Variants in DLG2 observed in about 807,000 individuals in gnomAD.
DLG2 encodes discs large MAGUK scaffold protein 2, also known as disks large homolog 2.
DLG2 carries 45 observed loss-of-function variants against 132.5 expected under a neutral mutation model. The observed-to-expected ratio is 0.34, with a 90% CI of 0.27 to 0.44. The LOEUF (loss-of-function observed/expected upper bound fraction) is 0.44. Ranked by LOEUF, DLG2 falls within the 20% of genes least tolerant of loss-of-function variation. The pLI is 1.00. For missense variants in DLG2, 1,045 were observed against 1,196.9 expected (o/e 0.87, Z 1.87); for synonymous variants, 424 against 419.6 (o/e 1.01, Z -0.13).
chr11:84,948,139 T>A (rs1415955389), intron 6 of DLG2, among the ~76,000 whole-genome samples: 1 of 152,224 alleles, frequency 6.6e-6, no homozygotes, highest in African/African-American at 2.4e-5. Flanking sequence ...GAGGCATTCC[T>A]GCCACCCCTG....
rs145206223 is a variant in DLG2 at position 84,127,686 on chromosome 11, C to A, written c.625-28639G>T. On this transcript the variant is annotated intron_variant, in intron 9 of 27. Coordinates refer to ENST00000376104, the MANE Select transcript of DLG2 (RefSeq NM_001142699.3). Reference sequence around the variant, plus strand: ...TGGGCTCAAACTATCTTCCTGCCTCCACCTTCAAAAGCCCTGGGATTACAG... The same window carrying A: ...TGGGCTCAAACTATCTTCCTGCCTCAACCTTCAAAAGCCCTGGGATTACAG... 3.3e-5 allele frequency among the ~76,000 whole-genome samples: 5 copies of A among 152,254 alleles called. No homozygotes were observed. The East Asian group carries it at 7.7e-4, about 24-fold the overall frequency.
At position 84,502,412 on chromosome 11, in the gene DLG2, T is replaced by TTCTTTCTTTCTTTCCTC. The variant is rs1567807647; in HGVS notation, c.519+32157_519+32158insGAGGAAAGAAAGAAAGA. Among the ~76,000 whole-genome samples the TTCTTTCTTTCTTTCCTC allele has an allele frequency of 2.1e-4, 24 of 115,610 alleles. 7 individuals carry two copies. Among genetic ancestry groups the TTCTTTCTTTCTTTCCTC allele is most frequent in the African/African-American group, 8.9e-4 (23 of 25,926 alleles). 75.8% of individuals were successfully genotyped at this position (115,610 alleles called of 152,430 possible). On this transcript the variant is annotated intron_variant, in intron 7 of 27. Coordinates refer to ENST00000376104, the MANE Select transcript of DLG2 (RefSeq NM_001142699.3). ...TTTCTTTCTTTCTTTCTTTCTTTCT[T>TTCTTTCTTTCTTTCCTC]TCTATACAGAGTCTCATGCTGTCAC...
chr11:83,735,122 A>T (rs2091723070), intron 18 of DLG2, among the ~76,000 whole-genome samples: 1 of 152,130 alleles, frequency 6.6e-6, no homozygotes. Context: ...TGATATTAAT[A>T]TTGGCCGATT....
At chr11:84,599,419 G>C (rs1397938647) in intron 6 of DLG2, among the ~76,000 whole-genome samples, 2 of 152,150 alleles carry the variant, frequency 1.3e-5, no homozygotes, top group Admixed American at 6.5e-5. Flanking sequence ...CTCCAGGCAT[G>C]TTGGGTCATT....
At chr11:85,625,560 G>T (rs1235396123) in intron 2 of DLG2, among the ~76,000 whole-genome samples, 1 of 152,170 alleles carries the variant, frequency 6.6e-6, no homozygotes, top group Admixed American at 6.5e-5. Context: ...GCATCTCAGT[G>T]ATTATAAGTT....
chr11:84,639,935 T>C (rs536527948), intron 6 of DLG2: 3 of 195,050 alleles, frequency 1.5e-5, no homozygotes, highest in African/African-American at 7.2e-5. Flanking sequence ...ATAATAAGCC[T>C]ATGAACTATT....
intron 18 of DLG2, among the ~76,000 whole-genome samples, chr11:83,706,443 T>C (rs147248026): frequency 5.3e-5 from 8 of 152,136 alleles, no homozygotes; most frequent in African/African-American, 1.4e-4. Flanking sequence ...TCCAAATACA[T>C]AATATCCCCC....
At chr11:85,089,778 C>T (rs1303110954) in intron 6 of DLG2, among the ~76,000 whole-genome samples, 1 of 152,136 alleles carries the variant, frequency 6.6e-6, no homozygotes, top group Non-Finnish European at 1.5e-5. Context: ...TGAACAGCTG[C>T]TTCTCAAAAG....
At chr11:84,360,553 T>A (rs1266548098) in intron 7 of DLG2, among the ~76,000 whole-genome samples, 1 of 152,012 alleles carries the variant, frequency 6.6e-6, no homozygotes, top group Non-Finnish European at 1.5e-5. Flanking sequence ...TGCCCCAGCT[T>A]ACTGCCTGGA....
chr11:85,591,315 C>A (rs1173448753), intron 3 of DLG2, among the ~76,000 whole-genome samples: 5 of 152,336 alleles, frequency 3.3e-5, no homozygotes, highest in African/African-American at 1.2e-4. Context: ...TATACAACTC[C>A]TAGAAGACAT....
chr11:84,925,521 T>C (rs982255431), intron 6 of DLG2, among the ~76,000 whole-genome samples: 1 of 152,140 alleles, frequency 6.6e-6, no homozygotes. Flanking sequence ...ACTATTCTCA[T>C]TTTATAGATG....
At chr11:83,606,928 AAAAAAG>A (rs1239209795) in intron 19 of DLG2, among the ~76,000 whole-genome samples, 10 of 152,232 alleles carry the variant, frequency 6.6e-5, no homozygotes, top group East Asian at 1.9e-4. Context: ...CTCCGTCTCA[AAAAAAG>A]AAAAAGAAAA....
chr11:83,588,624 A>T (rs2097134128), intron 19 of DLG2, among the ~76,000 whole-genome samples: 1 of 151,594 alleles, frequency 6.6e-6, no homozygotes, highest in Admixed American at 6.6e-5. Flanking sequence ...CCAGCAACGG[A>T]ACAAAGCTGG....
intron 3 of DLG2, among the ~76,000 whole-genome samples, chr11:85,308,173 A>AATAAAATAAAATAAT (rs1166302816): frequency 6.4e-5 from 9 of 141,182 alleles, no homozygotes; most frequent in East Asian, 6.0e-4. Flanking sequence ...AATAAAATAA[A>AATAAAATAAAATAAT]ATAAAATAAA....
intron 18 of DLG2, among the ~76,000 whole-genome samples, chr11:83,650,881 G>T (rs1208131700): frequency 6.6e-6 from 1 of 152,118 alleles, no homozygotes; most frequent in African/African-American, 2.4e-5. Flanking sequence ...CAGGGAAATG[G>T]CCTGTCTGCA....
intron 7 of DLG2, among the ~76,000 whole-genome samples, chr11:84,255,659 A>C (rs1260113038): frequency 1.3e-5 from 2 of 152,096 alleles, no homozygotes; most frequent in Non-Finnish European, 2.9e-5. Flanking sequence ...ATCCTCTTTA[A>C]TTGGATGCCT....
chr11:84,268,321 A>G (rs908305193), intron 7 of DLG2, among the ~76,000 whole-genome samples: 1 of 152,086 alleles, frequency 6.6e-6, no homozygotes, highest in Non-Finnish European at 1.5e-5. Context: ...ACACTGCAAT[A>G]TAGTTTTCTT....
chr11:85,300,983 T>A (rs1170048254), intron 3 of DLG2, among the ~76,000 whole-genome samples: 1 of 152,024 alleles, frequency 6.6e-6, no homozygotes, highest in Non-Finnish European at 1.5e-5. Context: ...GGAGGATCAC[T>A]TAAGGTCAAG....
intron 7 of DLG2, among the ~76,000 whole-genome samples, chr11:84,364,080 A>G (rs1345634498): frequency 6.6e-6 from 1 of 152,094 alleles, no homozygotes; most frequent in African/African-American, 2.4e-5. Flanking sequence ...GATGGCATTG[A>G]ATCTATAAAT....
Sources: allele counts gnomAD v4.1 joint callset (sites outside exome capture counted in the v4.1 genomes callset), GRCh38; gene constraint gnomAD v4.1.1; transcripts MANE v1.5; gene names NCBI Gene and HGNC (gene_info 2026-07-23, HGNC 2026-07-21).